The following FBN2 variants were observed in gnomAD, a reference collection of about 807,000 sequenced individuals.
FBN2 encodes fibrillin-2.
Under a neutral mutation model 355.6 loss-of-function variants are expected in FBN2, and 105 were observed. The ratio of observed to expected loss-of-function variants is 0.30; its 90% CI spans 0.25 to 0.35. FBN2 has a LOEUF of 0.35. FBN2 is among the 10% of genes least tolerant of loss of function. The pLI is 1.00. For missense variants in FBN2, 3,280 were observed against 3,758.7 expected, an observed-to-expected ratio of 0.87 and a Z score of 3.33; for synonymous variants, 1,350 against 1,301.2, an observed-to-expected ratio of 1.04 and a Z score of -0.81.
At position 128,274,645 on chromosome 5, in the gene FBN2, A is replaced by T; in HGVS notation, c.7633T>A (p.Phe2545Ile). The change falls in exon 60 of 65, where the codon TTC (phenylalanine) becomes ATC (isoleucine). Residue 2545 changes from phenylalanine to isoleucine, a missense_variant. Transcript: ENST00000262464. The part of the protein sequence containing the change: ...ECQTKQHNCQ[F>I]LCVNTLGGFT... Reference sequence around the variant, plus strand: ...CCCCCCAGGGTGTTGACACAGAGGAACTGGCAGTTATGCTGCTTTGTTTGA... The same window carrying T: ...CCCCCCAGGGTGTTGACACAGAGGATCTGGCAGTTATGCTGCTTTGTTTGA... 1 of 1,613,260 alleles carries T rather than the reference A, an allele frequency of 6.2e-7. No individual in the cohort carries two copies. Among genetic ancestry groups the T allele is most frequent in the Non-Finnish European group, 8.5e-7 (1 of 1,179,236 alleles).
At chr5:128,279,328 T>C (rs1161324719) in intron 56 of FBN2, among the ~76,000 whole-genome samples, 1 of 152,084 alleles carries the variant, frequency 6.6e-6, no homozygotes, top group African/African-American at 2.4e-5. Flanking sequence ...TAAAATTATT[T>C]TTTTCAGATT....
chr5:128,339,296 T>C (rs1750934408), intron 25 of FBN2: 6 of 467,074 alleles, frequency 1.3e-5, no homozygotes, highest in Admixed American at 3.3e-5. Context: ...AAATTCTGAA[T>C]TGTGTATTTG....
intron 23 of FBN2, among the ~76,000 whole-genome samples, 181 bp downstream of exon 23, chr5:128,349,164 CAG>C (rs775193617): frequency 3.3e-5 from 5 of 152,116 alleles, no homozygotes; most frequent in Admixed American, 2.6e-4. Flanking sequence ...TGGCATGAAA[CAG>C]AAACAATTTC....
intron 2 of FBN2, among the ~76,000 whole-genome samples, chr5:128,533,960 A>C (rs1245844355): frequency 6.6e-6 from 1 of 152,208 alleles, no homozygotes; most frequent in Non-Finnish European, 1.5e-5. Flanking sequence ...ACAACTAAGC[A>C]CAATACCAAC....
At chr5:128,451,895 A>AT (rs1286085600) in intron 6 of FBN2, among the ~76,000 whole-genome samples, 1 of 152,158 alleles carries the variant, frequency 6.6e-6, no homozygotes, top group Non-Finnish European at 1.5e-5. Context: ...AGATTCAGTG[A>AT]TTTTTCAAAA....
At chr5:128,278,128 A>T in intron 57 of FBN2, 123 bp from the exon 58 acceptor site, 1 of 941,686 alleles carries the variant, frequency 1.1e-6, no homozygotes, top group Non-Finnish European at 1.7e-6. Context: ...TCCTAATAGC[A>T]CTGGAGCACC....
chr5:128,300,005 G>C (rs1019237284), intron 48 of FBN2, among the ~76,000 whole-genome samples: 1 of 152,152 alleles, frequency 6.6e-6, no homozygotes, highest in African/African-American at 2.4e-5. Flanking sequence ...GTGGTCTGAA[G>C]AATAATTAAA....
At chr5:128,395,314 A>G in intron 8 of FBN2, 40 bp from the exon 9 acceptor site, 1 of 1,610,394 alleles carries the variant, frequency 6.2e-7, no homozygotes, top group Non-Finnish European at 8.5e-7. Context: ...TGGCAGAATT[A>G]CCTCAGGTTC....
At chr5:128,465,010 T>C in intron 5 of FBN2, 89 bp from the exon 6 acceptor site, 1 of 1,264,706 alleles carries the variant, frequency 7.9e-7, no homozygotes. Context: ...ACAGAGACTA[T>C]TTCTTCTGAC....
chr5:128,393,367 C>T lies in FBN2; in HGVS notation c.1233G>A (p.Glu411=). The T allele has an allele frequency of 6.2e-7, 1 of 1,613,708 alleles. No individual in the cohort carries two copies. The change falls in exon 10 of 65, where the codon GAG becomes GAA. Residue 411 remains glutamate (E), a splice_region_variant and synonymous_variant. Coordinates refer to ENST00000262464, the MANE Select transcript of FBN2 (RefSeq NM_001999.4). ...IPEACPVRGS[E]EYRRLCMDGL... The stretch of plus-strand genomic sequence containing the variant: ...CATCCATGCAAAGTCTGCGATATTC[C>T]TCTAGAAGAAAAGAAAGTTGGCATT...
chr5:128,378,445 T>C (rs1300097243), intron 12 of FBN2, among the ~76,000 whole-genome samples: 2 of 152,122 alleles, frequency 1.3e-5, no homozygotes, highest in Admixed American at 6.6e-5. Flanking sequence ...ATGTGTGGGA[T>C]TCAAAGAAAA....
At chr5:128,376,142 TAAG>T (rs1469820376) in intron 14 of FBN2, among the ~76,000 whole-genome samples, 7 of 152,190 alleles carry the variant, frequency 4.6e-5, no homozygotes, top group Non-Finnish European at 7.3e-5. Flanking sequence ...ACAAACATAA[TAAG>T]GTCTCATTTA....
In FBN2 at chr5:128,259,514, A is replaced by G; in HGVS notation, c.8680T>C (p.Tyr2894His). Residue 2894 changes from tyrosine to histidine, a missense_variant, in exon 65 of 65, where the codon TAC becomes CAC. Tyr to His is a moderately conservative substitution (Grantham distance 83, BLOSUM62 2). This residue lies in a region of FBN2 where 311 missense variants were observed against 319.1 expected (regional missense o/e 0.97). Transcript: ENST00000262464. ...KKLEESNEDDYLLGELGEALR... is the reference protein window; with the variant it reads ...KKLEESNEDDHLLGELGEALR... ...GCCTCCCCAAGCTCCCCTAGGAGGTAGTCATCCTCATTGCTCTCTTCCAGT... is the reference window on the plus strand; with the variant it reads ...GCCTCCCCAAGCTCCCCTAGGAGGTGGTCATCCTCATTGCTCTCTTCCAGT... 1 of 1,613,928 alleles carries G rather than the reference A, an allele frequency of 6.2e-7. No homozygotes were observed. Among genetic ancestry groups the G allele is most frequent in the Non-Finnish European group, 8.5e-7 (1 of 1,179,956 alleles).
intron 6 of FBN2, among the ~76,000 whole-genome samples, chr5:128,452,623 G>T (rs1277385591): frequency 2.0e-5 from 3 of 151,872 alleles, no homozygotes; most frequent in African/African-American, 2.4e-5. Flanking sequence ...AGCAACCAGG[G>T]GACATAGAAA....
chr5:128,384,281 G>C (rs1391789167), intron 11 of FBN2, among the ~76,000 whole-genome samples: 1 of 152,006 alleles, frequency 6.6e-6, no homozygotes, highest in Admixed American at 6.6e-5. Context: ...GGGACAGGAT[G>C]GGGGCTGGGG....
intron 7 of FBN2, among the ~76,000 whole-genome samples, chr5:128,411,407 T>C (rs1340339029): frequency 1.3e-5 from 2 of 152,166 alleles, no homozygotes; most frequent in Non-Finnish European, 2.9e-5. Flanking sequence ...TATTGAGCGA[T>C]GGAAGTGGCT....
At chr5:128,311,474 T>C in intron 38 of FBN2, 49 bp from the exon 39 acceptor site, 1 of 1,596,062 alleles carries the variant, frequency 6.3e-7, no homozygotes. Flanking sequence ...TCACTAAGGA[T>C]AAGAGTTAAT....
chr5:128,281,787 G>C (rs567416933), intron 55 of FBN2, among the ~76,000 whole-genome samples: 1 of 152,088 alleles, frequency 6.6e-6, no homozygotes, highest in East Asian at 1.9e-4. Context: ...CTGGGTTCAC[G>C]CCATTCTCCT....
At chr5:128,375,243 C>T (rs902340872) in intron 14 of FBN2, among the ~76,000 whole-genome samples, 2 of 152,188 alleles carry the variant, frequency 1.3e-5, no homozygotes, top group African/African-American at 4.8e-5. Flanking sequence ...AAAGAGACTT[C>T]AAACACAGAG....
Sources: allele counts gnomAD v4.1 joint callset (sites outside exome capture counted in the v4.1 genomes callset), GRCh38; gene constraint gnomAD v4.1.1; regional missense constraint gnomAD v4.1.1; transcripts MANE v1.5; gene names NCBI Gene and HGNC (gene_info 2026-07-23, HGNC 2026-07-21).